The following FAM193A variants were observed in gnomAD, a reference collection of about 807,000 sequenced individuals.
FAM193A encodes protein FAM193A.
FAM193A carries 22 observed loss-of-function variants against 126.5 expected under a neutral mutation model. The observed-to-expected ratio is 0.17, with a 90% CI of 0.12 to 0.25. The LOEUF is 0.25. Among genes scored for constraint, FAM193A ranks in the 10% least tolerant of loss-of-function variants. The probability of loss-of-function intolerance (pLI) is 1.00; values close to 1 mark genes in which losing one functional copy is unlikely to be tolerated. For synonymous variants in FAM193A, 761 were observed against 646.8 expected, an observed-to-expected ratio of 1.18 and a Z score of -2.68; for missense variants, 1,675 against 1,672.8, an observed-to-expected ratio of 1.00 and a Z score of -0.02.
chr4:2,628,226 C>G (rs1224806461), intron 4 of FAM193A, among the ~76,000 whole-genome samples: 1 of 151,718 alleles, frequency 6.6e-6, no homozygotes, highest in Non-Finnish European at 1.5e-5. Flanking sequence ...TAGATTCTTT[C>G]CTGGAGGCAG....
chr4:2,568,667 G>C (rs569745679), intron 1 of FAM193A, among the ~76,000 whole-genome samples: 15 of 152,300 alleles, frequency 9.8e-5, no homozygotes, highest in African/African-American at 3.6e-4. Flanking sequence ...GTTGTTACCA[G>C]GTGTAGTGAC....
chr4:2,647,081 C>A (rs1345984786), intron 7 of FAM193A, among the ~76,000 whole-genome samples: 2 of 152,208 alleles, frequency 1.3e-5, no homozygotes, highest in Non-Finnish European at 2.9e-5. Flanking sequence ...TCAAGTTTTC[C>A]TTGGCCTGGG....
intron 19 of FAM193A, among the ~76,000 whole-genome samples, chr4:2,703,953 CAG>C (rs1292688070): frequency 1.3e-5 from 2 of 149,274 alleles, no homozygotes; most frequent in Non-Finnish European, 3.0e-5. Flanking sequence ...GCCTGGGTGA[CAG>C]AGTGAGACCC....
chr4:2,660,244 GA>G (rs796553830), intron 10 of FAM193A, among the ~76,000 whole-genome samples, 190 bp downstream of exon 10: 193 of 147,142 alleles, frequency 1.3e-3, no homozygotes, highest in African/African-American at 4.3e-3. Context: ...GTTTATCTGG[GA>G]AAAAAAAAAC....
Position 2,631,088 on chromosome 4 carries a change from C to G in FAM193A, c.957C>G (p.His319Gln), listed in dbSNP as rs749887769. 5 of 1,613,912 alleles carry G rather than the reference C, an allele frequency of 3.1e-6. No individual in the cohort carries two copies. In the South Asian group the frequency reaches 5.5e-5, roughly 18 times the overall value. Residue 319 changes from histidine (H) to glutamine (Q), a missense_variant, in exon 5 of 21, where the codon CAC becomes CAG. Around this residue, in one of 4 missense-constraint regions of FAM193A, gnomAD observed 1,186 missense variants for 1,109.2 expected, o/e 1.07. Transcript: ENST00000637812. The stretch of plus-strand genomic sequence containing the variant: ...GCCTGCAGGGCCCGCCGCAAGCGCA[C>G]CAGTTCATCTCCCTCCTGCTTGAGG... ...PSGLQGPPQA[H>Q]QFISLLLEEY...
intron 2 of FAM193A, among the ~76,000 whole-genome samples, chr4:2,598,373 G>A (rs1740992100): frequency 6.6e-6 from 1 of 152,196 alleles, no homozygotes; most frequent in Admixed American, 6.5e-5. Flanking sequence ...ATGGATGTTT[G>A]TGTTGTTCCC....
chr4:2,640,609 CAT>C (rs1208564458), intron 6 of FAM193A, among the ~76,000 whole-genome samples: 3 of 152,198 alleles, frequency 2.0e-5, no homozygotes, highest in Admixed American at 6.5e-5. Flanking sequence ...CTATTTACCA[CAT>C]GTGAGCACAT....
chr4:2,714,610 C>T (rs1719346432), intron 19 of FAM193A, among the ~76,000 whole-genome samples: 1 of 151,984 alleles, frequency 6.6e-6, no homozygotes, highest in South Asian at 2.1e-4. Context: ...AGAGCAGGTC[C>T]CTAGAGAGAG....
chr4:2,703,612 A>G (rs535487801), intron 19 of FAM193A, among the ~76,000 whole-genome samples: 2 of 151,416 alleles, frequency 1.3e-5, no homozygotes, highest in South Asian at 4.3e-4. Context: ...ATGTGTTTCC[A>G]TATTGTTTGG....
intron 2 of FAM193A, among the ~76,000 whole-genome samples, chr4:2,602,257 T>G (rs1741242450): frequency 6.6e-6 from 1 of 152,132 alleles, no homozygotes; most frequent in African/African-American, 2.4e-5. Context: ...CAGTGCAAAG[T>G]TAGTTTCCTC....
chr4:2,629,090 G>A (rs1271797181), intron 4 of FAM193A, among the ~76,000 whole-genome samples: 1 of 152,006 alleles, frequency 6.6e-6, no homozygotes, highest in Admixed American at 6.6e-5. Flanking sequence ...GCCTCCCAAA[G>A]TGCTGGGATT....
chr4:2,633,766 G>A (rs764845900), intron 5 of FAM193A, among the ~76,000 whole-genome samples: 11 of 152,092 alleles, frequency 7.2e-5, no homozygotes, highest in East Asian at 1.9e-4. Context: ...GGTGGCACGC[G>A]CCTATAATCC....
chr4:2,545,854 AAAC>A (rs1395477814), intron 1 of FAM193A, among the ~76,000 whole-genome samples: 1 of 152,078 alleles, frequency 6.6e-6, no homozygotes, highest in Non-Finnish European at 1.5e-5. Context: ...GCTAATTAAA[AAAC>A]AAAAATTTAA....
At chr4:2,706,281 TTC>T (rs1291354916) in intron 19 of FAM193A, among the ~76,000 whole-genome samples, 1 of 134,694 alleles carries the variant, frequency 7.4e-6, no homozygotes, top group Non-Finnish European at 1.6e-5. Flanking sequence ...TACAATAAAT[TTC>T]TTTCTTTCTT....
chr4:2,573,606 C>T (rs986371123), intron 1 of FAM193A, among the ~76,000 whole-genome samples: 3 of 151,968 alleles, frequency 2.0e-5, no homozygotes, highest in African/African-American at 7.2e-5. Context: ...CTTTGACTGT[C>T]TGCTCCGTGG....
At chr4:2,574,353 C>G (rs999706486) in intron 1 of FAM193A, among the ~76,000 whole-genome samples, 5 of 152,194 alleles carry the variant, frequency 3.3e-5, no homozygotes, top group African/African-American at 1.2e-4. Context: ...CTTGTGTTGT[C>G]TTTGCAGTAG....
intron 1 of FAM193A, among the ~76,000 whole-genome samples, chr4:2,582,895 T>C (rs1560459713): frequency 6.6e-6 from 1 of 152,214 alleles, no homozygotes; most frequent in East Asian, 1.9e-4. Context: ...TGGCTGTTGT[T>C]TGAAGCTTTT....
intron 2 of FAM193A, among the ~76,000 whole-genome samples, chr4:2,619,092 A>G (rs1372510136): frequency 4.6e-5 from 7 of 151,942 alleles, no homozygotes; most frequent in Non-Finnish European, 8.8e-5. Flanking sequence ...TAATCTGCCA[A>G]GTGTGTTTAG....
At chr4:2,595,386 A>T (rs1352619892) in intron 1 of FAM193A, among the ~76,000 whole-genome samples, 1 of 152,086 alleles carries the variant, frequency 6.6e-6, no homozygotes, top group Non-Finnish European at 1.5e-5. Flanking sequence ...TTAAAGGCTA[A>T]TTTTATTTTT....
Sources: allele counts gnomAD v4.1 joint callset (sites outside exome capture counted in the v4.1 genomes callset), GRCh38; gene constraint gnomAD v4.1.1; regional missense constraint gnomAD v4.1.1; transcripts MANE v1.5; gene names NCBI Gene and HGNC (gene_info 2026-07-23, HGNC 2026-07-21).